Variants in TJP2 observed in about 807,000 individuals in gnomAD.
TJP2 encodes the protein Friedreich ataxia region gene X104 (tight junction protein ZO-2).
TJP2 carries 91 observed loss-of-function variants against 133.1 expected under a neutral mutation model. The observed-to-expected ratio is 0.68, with a 90% CI of 0.58 to 0.81. The LOEUF is 0.81. TJP2 is among the 40% of genes least tolerant of loss of function. The pLI, the probability that TJP2 is intolerant of heterozygous loss-of-function variation, is 0.00. For missense variants in TJP2, 1,541 were observed against 1,565.6 expected (o/e 0.98, Z 0.26); for synonymous variants, 592 against 583.4 (o/e 1.01, Z -0.21).
intron 2 of TJP2, among the ~76,000 whole-genome samples, chr9:69,167,126 A>G (rs1461321141): frequency 2.0e-5 from 3 of 151,112 alleles, no homozygotes; most frequent in African/African-American, 7.3e-5. Flanking sequence ...TTGTAATCCC[A>G]GTTTGGGAGG....
At chr9:69,174,547 A>G in intron 1 of TJP2, 115 bp downstream of exon 1, 2 of 1,259,834 alleles carry the variant, frequency 1.6e-6, no homozygotes, top group Non-Finnish European at 2.3e-6. Context: ...CGCCGTAGGA[A>G]GCTGGGATTC....
intron 17 of TJP2, among the ~76,000 whole-genome samples, chr9:69,241,827 G>A (rs770532088): frequency 3.9e-5 from 6 of 152,082 alleles, no homozygotes; most frequent in Non-Finnish European, 7.3e-5. Context: ...AAACTATAGC[G>A]TCCCTAACTG....
chr9:69,246,686 A>G lies in TJP2; in HGVS notation c.2567-4A>G, dbSNP rs371917205. 3.1e-6 allele frequency: 5 copies of G among 1,613,214 alleles called. No individual in the cohort carries two copies. The highest frequency in any genetic ancestry group is 2.2e-5 in the South Asian group (2 of 91,078). ...TGCAGACCTTTTTGTTTATATTTCT[A>G]TAGCTACAATCAACCTAAATTCAGC... On this transcript the variant is annotated splice_polypyrimidine_tract_variant and splice_region_variant and intron_variant, in intron 17 of 22. Coordinates refer to ENST00000377245, the MANE Select transcript of TJP2 (RefSeq NM_004817.4).
intron 15 of TJP2, 55 bp from the exon 16 acceptor site, chr9:69,238,653 ATT>A: frequency 7.1e-7 from 1 of 1,401,760 alleles, no homozygotes. Flanking sequence ...AGGTGGGAGT[ATT>A]TGGTTGTCAC....
chr9:69,121,350 G>C, upstream of TJP2: 1 of 985,322 alleles, frequency 1.0e-6, no homozygotes, highest in Non-Finnish European at 1.2e-6. Flanking sequence ...AGAACCCTCC[G>C]GTCTCAAGGA....
intron 18 of TJP2, among the ~76,000 whole-genome samples, chr9:69,247,326 C>T (rs1040498966): frequency 3.9e-5 from 6 of 152,222 alleles, no homozygotes; most frequent in African/African-American, 1.4e-4. Context: ...AGATAGCTCA[C>T]ACACAGCTGT....
chr9:69,181,443 C>T (rs1042889565), intron 1 of TJP2, among the ~76,000 whole-genome samples: 1 of 151,896 alleles, frequency 6.6e-6, no homozygotes, highest in African/African-American at 2.4e-5. Flanking sequence ...AGAGACGGGG[C>T]TTCACCATGT....
At chr9:69,167,863 G>C (rs1034080110) in intron 2 of TJP2, among the ~76,000 whole-genome samples, 2 of 86,134 alleles carry the variant, frequency 2.3e-5, no homozygotes, top group African/African-American at 8.2e-5. Context: ...GCGAGAGTCT[G>C]TCAAAAAAAA....
intron 9 of TJP2, among the ~76,000 whole-genome samples, 157 bp from the exon 10 acceptor site, chr9:69,229,027 A>G (rs1829562445): frequency 6.6e-6 from 1 of 152,218 alleles, no homozygotes; most frequent in Non-Finnish European, 1.5e-5. Context: ...GCACCTGCTA[A>G]TACTTCAGAG....
chr9:69,204,620 T>C (rs1380907299), intron 1 of TJP2, among the ~76,000 whole-genome samples: 1 of 152,238 alleles, frequency 6.6e-6, no homozygotes, highest in Non-Finnish European at 1.5e-5. Context: ...AAATGAGTCT[T>C]ATCTTCCCCT....
At chr9:69,193,528 G>A (rs1432440755) in intron 1 of TJP2, among the ~76,000 whole-genome samples, 1 of 140,532 alleles carries the variant, frequency 7.1e-6, no homozygotes, top group Non-Finnish European at 1.5e-5. Flanking sequence ...AAAAAAAAAC[G>A]TCAGCCCATA....
Position 69,221,442 on chromosome 9 carries a change from A to G in TJP2, c.898A>G (p.Arg300Gly). The change falls in exon 5 of 23, where the codon AGG becomes GGG. Residue 300 changes from arginine to glycine, a missense_variant. Transcript: ENST00000377245. ...CTCACGGAGCCCCAGCCCCGAGCCT[A>G]GGGGGCGGCCGGGGCCCATCGGGGT... is the stretch of plus-strand genomic sequence containing the variant. ...PHSRSPSPEP[R>G]GRPGPIGVLL... 3 of 1,594,864 alleles carry G rather than the reference A, an allele frequency of 1.9e-6. No individual in the cohort carries two copies. The highest frequency in any genetic ancestry group is 1.1e-5 in the South Asian group (1 of 88,392).
intron 1 of TJP2, among the ~76,000 whole-genome samples, chr9:69,138,688 C>CGG (rs951753183): frequency 2.0e-5 from 3 of 152,036 alleles, no homozygotes; most frequent in African/African-American, 7.2e-5. Flanking sequence ...GAGGCCAAGG[C>CGG]GGGAGGATCA....
rs1825713346 is a variant in TJP2, at chr9:69,184,431, T to C, written c.60+9999T>C. 3.3e-5 allele frequency among the ~76,000 whole-genome samples: 5 copies of C among 152,208 alleles called. No homozygotes were observed. The South Asian group carries it at 8.3e-4, about 25-fold the overall frequency. ...GAAAGGGCAGGGAATCTGGACATGC[T>C]GTAAAGCTCATGTCTGAGGAATCCA... is the stretch of plus-strand genomic sequence containing the variant. On this transcript the variant is annotated intron_variant, in intron 1 of 22. Coordinates refer to ENST00000377245, the MANE Select transcript of TJP2 (RefSeq NM_004817.4).
At chr9:69,249,589 T>C (rs1355431540) in intron 20 of TJP2, 104 bp downstream of exon 20, 1 of 1,544,764 alleles carries the variant, frequency 6.5e-7, no homozygotes, top group African/African-American at 1.4e-5. Context: ...GGTGTTTAAT[T>C]ACGGTTCTGA....
At chr9:69,234,258 A>G (rs936092265) in intron 11 of TJP2, among the ~76,000 whole-genome samples, 181 bp from the exon 12 acceptor site, 6 of 152,182 alleles carry the variant, frequency 3.9e-5, no homozygotes, top group Non-Finnish European at 2.9e-5. Context: ...GCTGGGCGCG[A>G]GGACTTGAAT....
At chr9:69,159,395 T>C (rs1283046798) in intron 2 of TJP2, among the ~76,000 whole-genome samples, 2 of 47,422 alleles carry the variant, frequency 4.2e-5, no homozygotes, top group Admixed American at 2.5e-4. Flanking sequence ...GATATTGATA[T>C]TTGAAATATA....
Position 69,248,124 on chromosome 9 carries a change from G to A in TJP2, c.2780G>A (p.Gly927Asp), listed in dbSNP as rs977531593. Reference protein sequence around the residue: ...RLISDFEDTDGEGGAYTDNEL... With the variant: ...RLISDFEDTDDEGGAYTDNEL... ...ATCAGTGACTTTGAAGACACGGACGGTGAAGGAGGCGCCTACACTGACAAT... is the reference window on the plus strand; with the variant it reads ...ATCAGTGACTTTGAAGACACGGACGATGAAGGAGGCGCCTACACTGACAAT... Residue 927 changes from glycine to aspartate, a missense_variant, in exon 19 of 23, where the codon GGT becomes GAT. Physicochemically the swap from Gly to Asp is moderately conservative, Grantham distance 94 (BLOSUM62 -1). Transcript: ENST00000377245. 2 of 1,614,214 alleles carry A rather than the reference G, an allele frequency of 1.2e-6. No individual in the cohort carries two copies. The highest frequency in any genetic ancestry group is 3.3e-5 in the Admixed American group (2 of 60,036).
intron 1 of TJP2, among the ~76,000 whole-genome samples, chr9:69,196,844 T>C (rs898246854): frequency 2.0e-5 from 3 of 152,034 alleles, no homozygotes; most frequent in African/African-American, 7.2e-5. Flanking sequence ...TTGCCCCTCC[T>C]TGACATTTCA....
Sources: gnomAD v4.1 joint callset for allele counts (sites outside exome capture counted in the v4.1 genomes callset) on GRCh38, gnomAD v4.1.1 for gene constraint, MANE v1.5 for transcripts, NCBI Gene and HGNC (gene_info 2026-07-23, HGNC 2026-07-21) for gene names.